The following NAV1 variants were observed in gnomAD, a reference collection of about 807,000 sequenced individuals.
The protein encoded by NAV1 is neuron navigator 1, also known as pore membrane and/or filament interacting like protein 3.
NAV1 carries 18 observed loss-of-function variants against 175.2 expected under a neutral mutation model. That is an observed-to-expected ratio of 0.10 (90% CI 0.07 to 0.15). NAV1 has a LOEUF of 0.15. NAV1 is among the 10% of genes least tolerant of loss of function. The probability of loss-of-function intolerance (pLI) is 1.00; values close to 1 mark genes in which losing one functional copy is unlikely to be tolerated. For missense variants in NAV1, 1,731 were observed against 2,436.6 expected (o/e 0.71, Z 6.10); for synonymous variants, 897 against 978.7 (o/e 0.92, Z 1.56).
At position 201,782,940 on chromosome 1, in the gene NAV1, G is replaced by A; in HGVS notation, c.2357+71G>A. 1 of 1,350,214 alleles carries A rather than the reference G, an allele frequency of 7.4e-7. No individual in the cohort carries two copies. The highest frequency in any genetic ancestry group is 1.0e-6 in the Non-Finnish European group (1 of 988,112). The allele number at this position is 1,350,214 out of a possible 1,614,324, so 83.6% of individuals were successfully genotyped here. ...TCTTTCGCATATCTCTGCCCTCCTT[G>A]GACTAGATGAGGCATGGCCTATCCA... On this transcript the variant is annotated intron_variant, in intron 6 of 29. Transcript: ENST00000367296. The surrounding 1 kb of genome is among the most constrained non-coding windows in gnomAD (Gnocchi z 5.4).
chr1:201,730,478 A>T (rs1360682660), intron 3 of NAV1, among the ~76,000 whole-genome samples: 1 of 152,196 alleles, frequency 6.6e-6, no homozygotes, highest in Non-Finnish European at 1.5e-5. Flanking sequence ...GAAGCCTGTG[A>T]GCATGACAGG....
chr1:201,808,986 T>A lies in NAV1; in HGVS notation c.4207+115T>A. Reference sequence around the variant, plus strand: ...GGTAACAATGCCGAAGCCAAGCAGATGCCAGTGTCCTAAGACACTGAGTTG... The same window carrying A: ...GGTAACAATGCCGAAGCCAAGCAGAAGCCAGTGTCCTAAGACACTGAGTTG... On this transcript the variant is annotated intron_variant, in intron 20 of 29. Coordinates refer to ENST00000367296, the Ensembl canonical transcript of NAV1. This position sits in a 1 kb window ranked among gnomAD's most constrained non-coding sequence, Gnocchi z 5.5. 7.3e-7 allele frequency: 1 copy of A among 1,373,724 alleles called. No individual in the cohort carries two copies. The highest frequency in any genetic ancestry group is 1.0e-6 in the Non-Finnish European group (1 of 993,060). 85.1% of individuals were successfully genotyped at this position (1,373,724 alleles called of 1,614,324 possible).
At chr1:201,727,392 C>T (rs1379087824) in intron 3 of NAV1, among the ~76,000 whole-genome samples, 1 of 152,210 alleles carries the variant, frequency 6.6e-6, no homozygotes, top group Admixed American at 6.5e-5. Flanking sequence ...TACCTGTTCA[C>T]ACAATGTTCT....
chr1:201,606,716 C>T (rs1360117000), intron 2 of NAV1, among the ~76,000 whole-genome samples: 1 of 152,196 alleles, frequency 6.6e-6, no homozygotes, highest in Non-Finnish European at 1.5e-5. Context: ...GCTATGGGGC[C>T]ACCCCACACA....
At chr1:201,628,774 G>T (rs115469995) in intron 1 of NAV1, among the ~76,000 whole-genome samples, 2,022 of 152,290 alleles carry the variant, frequency 0.013, 41 homozygotes, top group African/African-American at 0.044. Context: ...GTGCTCAGAG[G>T]TCTGTGTGCA....
chr1:201,691,921 C>T (rs913380573), intron 1 of NAV1, among the ~76,000 whole-genome samples: 2 of 152,224 alleles, frequency 1.3e-5, no homozygotes, highest in Admixed American at 6.5e-5. Flanking sequence ...CTAGAGACCT[C>T]ATGTCAGAAC....
intron 1 of NAV1, among the ~76,000 whole-genome samples, chr1:201,558,641 G>A (rs992457331): frequency 6.6e-5 from 10 of 151,998 alleles, no homozygotes; most frequent in African/African-American, 1.5e-4. Flanking sequence ...TGGTAGAGAC[G>A]GGGTCTCACC....
At chr1:201,727,196 C>A (rs1331035948) in intron 3 of NAV1, among the ~76,000 whole-genome samples, 3 of 152,142 alleles carry the variant, frequency 2.0e-5, no homozygotes, top group Non-Finnish European at 4.4e-5. Flanking sequence ...CTTCATCAGC[C>A]ATTTGATGAT....
chr1:201,794,031 T>C (rs1571499764), intron 14 of NAV1, 156 bp downstream of exon 18: 1 of 722,370 alleles, frequency 1.4e-6, no homozygotes, highest in East Asian at 2.7e-5. Context: ...CAATACAGTG[T>C]GAGCATATTC....
chr1:201,801,210 G>C (rs889063016), intron 15 of NAV1, among the ~76,000 whole-genome samples: 2 of 152,102 alleles, frequency 1.3e-5, no homozygotes, highest in Non-Finnish European at 2.9e-5. Context: ...TTGTACAAAG[G>C]GTTTTCCAAA....
intron 1 of NAV1, among the ~76,000 whole-genome samples, chr1:201,624,251 A>G (rs746730667): frequency 2.0e-5 from 3 of 152,042 alleles, no homozygotes; most frequent in Admixed American, 6.5e-5. Context: ...TATTCACAAC[A>G]AGATGGCCAA....
chr1:201,609,552 G>T (rs938828229), intron 2 of NAV1, among the ~76,000 whole-genome samples: 3 of 152,224 alleles, frequency 2.0e-5, no homozygotes, highest in Non-Finnish European at 4.4e-5. Flanking sequence ...CTGCCTGGCT[G>T]GAAAACCCAT....
chr1:201,651,352 C>A (rs978922979), intron 1 of NAV1, among the ~76,000 whole-genome samples: 2 of 151,998 alleles, frequency 1.3e-5, no homozygotes, highest in African/African-American at 4.8e-5. Flanking sequence ...CTCTTAGTTG[C>A]TCCTCAAGAG....
rs1665438429 is a variant in NAV1 at position 201,539,494 on chromosome 1, C to T, written c.-144+152C>T. 6.6e-6 allele frequency among the ~76,000 whole-genome samples: 1 copy of T among 152,042 alleles called. No individual in the cohort carries two copies. Among genetic ancestry groups the T allele is most frequent in the South Asian group, 2.1e-4 (1 of 4,820 alleles). On this transcript the variant is annotated intron_variant, in intron 1 of 33. Transcript: ENST00000685211. This position sits in a 1 kb window ranked among gnomAD's most constrained non-coding sequence, Gnocchi z 5.6. ...CCCGAGGGAGGCTGTGGGCTGGGCT[C>T]GGGAGAGGCGCTGGAATAAATAACA... is the stretch of plus-strand genomic sequence containing the variant.
In NAV1 at chr1:201,808,812, C is replaced by T. The variant is rs1678492692; in HGVS notation, c.4148C>T (p.Pro1383Leu). The change falls in exon 20 of 30, where the codon CCA (proline) becomes CTA (leucine). Residue 1383 changes from proline to leucine, a missense_variant. By Grantham distance (98) the Pro-to-Leu change is moderately conservative. Coordinates refer to ENST00000367296, the Ensembl canonical transcript of NAV1. This position sits in a 1 kb window ranked among gnomAD's most constrained non-coding sequence, Gnocchi z 5.5. Reference sequence around the variant, plus strand: ...CCTGGATCATCTGCATTATCTTCCCCACGCCGCTCCCTAGGCCTGGCACTC... The same window carrying T: ...CCTGGATCATCTGCATTATCTTCCCTACGCCGCTCCCTAGGCCTGGCACTC... The T allele has an allele frequency of 6.2e-7, 1 of 1,613,944 alleles. No homozygotes were observed. The highest frequency in any genetic ancestry group is 1.3e-5 in the African/African-American group (1 of 74,932).
intron 2 of NAV1, among the ~76,000 whole-genome samples, chr1:201,629,742 TG>T (rs1334007762): frequency 2.0e-5 from 3 of 152,172 alleles, no homozygotes; most frequent in African/African-American, 7.2e-5. Flanking sequence ...GCCCAGGCTA[TG>T]GGAGTCACTG....
chr1:201,808,807 T>C lies in NAV1; in HGVS notation c.4143T>C (p.Ser1381=). The C allele has an allele frequency of 1.9e-6, 3 of 1,614,038 alleles. No individual in the cohort carries two copies. The highest frequency in any genetic ancestry group is 2.5e-6 in the Non-Finnish European group (3 of 1,180,024). ...AGGTCCCTGGATCATCTGCATTATC[T>C]TCCCCACGCCGCTCCCTAGGCCTGG... Residue 1381 remains serine (S), a synonymous_variant, in exon 20 of 30, where the codon TCT becomes TCC. Coordinates refer to ENST00000367296, the Ensembl canonical transcript of NAV1. The surrounding 1 kb of genome is among the most constrained non-coding windows in gnomAD (Gnocchi z 5.5).
At chr1:201,632,782 G>A (rs1343320912) in intron 2 of NAV1, among the ~76,000 whole-genome samples, 1 of 152,216 alleles carries the variant, frequency 6.6e-6, no homozygotes, top group Non-Finnish European at 1.5e-5. Context: ...GGGGCAGTGT[G>A]GAGTTTGGCC....
At chr1:201,678,966 G>T (rs1670364272) in intron 1 of NAV1, among the ~76,000 whole-genome samples, 1 of 152,180 alleles carries the variant, frequency 6.6e-6, no homozygotes, top group African/African-American at 2.4e-5. Context: ...GGGAGGGGAG[G>T]CTCCCGTGGA....
Sources: allele counts gnomAD v4.1 joint callset (sites outside exome capture counted in the v4.1 genomes callset), GRCh38; gene constraint gnomAD v4.1.1; non-coding constraint Gnocchi (gnomAD v3.1); transcripts MANE v1.5; gene names NCBI Gene and HGNC (gene_info 2026-07-23, HGNC 2026-07-21).